The following SV2B variants were observed in gnomAD, a reference collection of about 807,000 sequenced individuals.
SV2B encodes the protein solute carrier family 22 member B2.
Under a neutral mutation model 73.9 loss-of-function variants are expected in SV2B, and 41 were observed. That is an observed-to-expected ratio of 0.56 (90% CI 0.43 to 0.72). SV2B has a LOEUF of 0.72. Ranked by LOEUF, SV2B falls within the 30% of genes least tolerant of loss-of-function variation. The probability of loss-of-function intolerance (pLI) is 0.00; values close to 1 mark genes in which losing one functional copy is unlikely to be tolerated. For missense variants in SV2B, 764 were observed against 857.8 expected (o/e 0.89, Z 1.37); for synonymous variants, 314 against 314.2 (o/e 1.00, Z 0.01).
Position 91,226,088 on chromosome 15 carries a change from G to C in SV2B, c.-176G>C. The C allele has an allele frequency of 1.6e-6, 1 of 637,376 alleles. No homozygotes were observed. Among genetic ancestry groups the C allele is most frequent in the Admixed American group, 3.1e-5 (1 of 31,978 alleles). The allele number at this position is 637,376 out of a possible 1,614,324, so 39.5% of individuals were successfully genotyped here. A position where few individuals can be genotyped will look rare whatever the true frequency, so the allele number is the denominator to read the frequency against. On this transcript the variant is annotated 5_prime_UTR_variant, in exon 2 of 13. Transcript: ENST00000394232. ...TTTAGGTTGTCTTTGCACAAATCTG[G>C]TTGATTTGAGAGATAAAGGGGGGGG...
intron 9 of SV2B, among the ~76,000 whole-genome samples, chr15:91,269,137 A>G (rs2048210924): frequency 6.6e-6 from 1 of 151,952 alleles, no homozygotes; most frequent in African/African-American, 2.4e-5. Context: ...GAGGATTAGA[A>G]AAGTCCTGTT....
chr15:91,142,803 T>A (rs561476960), intron 1 of SV2B, among the ~76,000 whole-genome samples: 1 of 152,376 alleles, frequency 6.6e-6, no homozygotes, highest in South Asian at 2.1e-4. Flanking sequence ...CTTATACTTC[T>A]ACCATAGAGG....
chr15:91,139,001 C>T lies in SV2B; in HGVS notation c.-392+38638C>T, dbSNP rs532796084. ...TTCAACAATTAAACCAGTGAAATTACGAGACGATTAGGGAAATGTGAACAC... is the reference window on the plus strand; with the variant it reads ...TTCAACAATTAAACCAGTGAAATTATGAGACGATTAGGGAAATGTGAACAC... On this transcript the variant is annotated intron_variant, in intron 1 of 12. Coordinates refer to ENST00000394232, the MANE Select transcript of SV2B (RefSeq NM_001323032.3). The surrounding 1 kb of genome is among the most constrained non-coding windows in gnomAD (Gnocchi z 5.2). Among the ~76,000 whole-genome samples the T allele has an allele frequency of 1.4e-4, 21 of 152,244 alleles. No individual in the cohort carries two copies. Among genetic ancestry groups the T allele is most frequent in the Non-Finnish European group, 2.6e-4 (18 of 68,020 alleles).
rs1206642380 is a variant in SV2B at position 91,293,736 on chromosome 15, A to G, written c.*1184A>G. 1 of 152,202 alleles carries G rather than the reference A, an allele frequency of 6.6e-6. No homozygotes were observed. The highest frequency in any genetic ancestry group is 1.5e-5 in the Non-Finnish European group (1 of 68,042). 9.4% of individuals were successfully genotyped at this position (152,202 alleles called of 1,614,324 possible). On this transcript the variant is annotated 3_prime_UTR_variant, in exon 13 of 13. Transcript: ENST00000394232. ...GTGGTAAAATGCAAATGCAATCCAT[A>G]TTTGTTAGGATGGTCAGGTCTCATG... is the stretch of plus-strand genomic sequence containing the variant.
chr15:91,187,806 G>A (rs576742643), intron 1 of SV2B, among the ~76,000 whole-genome samples: 1 of 152,168 alleles, frequency 6.6e-6, no homozygotes, highest in Admixed American at 6.5e-5. Flanking sequence ...CTTGGGATTT[G>A]TGGTTTTTCA....
At position 91,267,648 on chromosome 15, in the gene SV2B, G is replaced by A; in HGVS notation, c.1208+5G>A. 1 of 1,609,106 alleles carries A rather than the reference G, an allele frequency of 6.2e-7. No homozygotes were observed. Among genetic ancestry groups the A allele is most frequent in the Non-Finnish European group, 8.5e-7 (1 of 1,177,166 alleles). ...TTGGTTTGCCATGGCATTCAGGTAA[G>A]TTCTGTCTTACTTAAATTTCGTAAT... On this transcript the variant is annotated splice_donor_5th_base_variant and intron_variant, in intron 8 of 12. Coordinates refer to ENST00000394232, the MANE Select transcript of SV2B (RefSeq NM_001323032.3). This position sits in a 1 kb window ranked among gnomAD's most constrained non-coding sequence, Gnocchi z 4.3.
At position 91,131,159 on chromosome 15, in the gene SV2B, T is replaced by TG. The variant is rs969140178; in HGVS notation, c.-392+30796_-392+30797insG. Among the ~76,000 whole-genome samples the TG allele has an allele frequency of 6.0e-4, 90 of 149,278 alleles. 2 individuals are homozygous for TG. In the South Asian group the frequency reaches 0.014, roughly 24 times the overall value. ...AAGATGTTTTCTTGTTTTTTTTTTT[T>TG]TTTTTTTTTAAATAGAGACAAGGTC... On this transcript the variant is annotated intron_variant, in intron 1 of 12. Coordinates refer to ENST00000394232, the MANE Select transcript of SV2B (RefSeq NM_001323032.3).
At chr15:91,184,607 T>C (rs1228313425) in intron 1 of SV2B, among the ~76,000 whole-genome samples, 1 of 152,226 alleles carries the variant, frequency 6.6e-6, no homozygotes, top group Non-Finnish European at 1.5e-5. Flanking sequence ...TCTTTCTTCT[T>C]TAGCTTGTTT....
chr15:91,182,047 G>A (rs2044599140), intron 1 of SV2B, among the ~76,000 whole-genome samples: 1 of 152,058 alleles, frequency 6.6e-6, no homozygotes, highest in Non-Finnish European at 1.5e-5. Context: ...ACATTTCTAG[G>A]TGTAAGATTG....
chr15:91,165,446 T>C (rs2043879909), intron 1 of SV2B, among the ~76,000 whole-genome samples: 1 of 152,228 alleles, frequency 6.6e-6, no homozygotes, highest in Non-Finnish European at 1.5e-5. Flanking sequence ...ATAGCACTTA[T>C]ATTGTATTAG....
chr15:91,301,284 C>G lies in SV2B; in HGVS notation c.*8732C>G, dbSNP rs953096710. 6.6e-6 allele frequency: 1 copy of G among 152,190 alleles called. No individual in the cohort carries two copies. Among genetic ancestry groups the G allele is most frequent in the Non-Finnish European group, 1.5e-5 (1 of 68,034 alleles). The allele number at this position is 152,190 out of a possible 1,614,324, so 9.4% of individuals were successfully genotyped here. A position where few individuals can be genotyped will look rare whatever the true frequency, so the allele number is the denominator to read the frequency against. ...CAGCTTCTGAATTATTAAACTGATG[C>G]TATAAATGTGAACTGACAAAACCCA... On this transcript the variant is annotated 3_prime_UTR_variant, in exon 13 of 13. Transcript: ENST00000394232. The surrounding 1 kb of genome is among the most constrained non-coding windows in gnomAD (Gnocchi z 4.3).
At chr15:91,276,171 T>A (rs891352400) in intron 9 of SV2B, among the ~76,000 whole-genome samples, 2 of 151,938 alleles carry the variant, frequency 1.3e-5, no homozygotes, top group East Asian at 1.9e-4. Flanking sequence ...TATTTATTAA[T>A]TTTTTTGTAT....
Position 91,239,439 on chromosome 15 carries a change from TA to T in SV2B, c.452-12378del, listed in dbSNP as rs2141552803. Among the ~76,000 whole-genome samples, 1 of 152,162 alleles carries T rather than the reference TA, an allele frequency of 6.6e-6. No homozygotes were observed. Among genetic ancestry groups the T allele is most frequent in the African/African-American group, 2.4e-5 (1 of 41,514 alleles). ...TGAATTACAAAGTTATAGTACCATC[TA>T]ATATTAGAAATGAAAGAAAGGAAGG... On this transcript the variant is annotated intron_variant, in intron 2 of 12. Transcript: ENST00000394232. The surrounding 1 kb of genome is among the most constrained non-coding windows in gnomAD (Gnocchi z 5.1).
chr15:91,282,837 T>C (rs983877290), intron 10 of SV2B, among the ~76,000 whole-genome samples: 2 of 152,238 alleles, frequency 1.3e-5, no homozygotes, highest in Admixed American at 6.5e-5. Flanking sequence ...CTCTTAATAA[T>C]TCATTCTGGC....
chr15:91,256,476 G>A (rs1411142232), intron 4 of SV2B, among the ~76,000 whole-genome samples: 1 of 152,198 alleles, frequency 6.6e-6, no homozygotes, highest in East Asian at 1.9e-4. Flanking sequence ...ATCCATCTGA[G>A]TTTGACTGCT....
intron 1 of SV2B, among the ~76,000 whole-genome samples, chr15:91,155,341 G>A (rs772622534): frequency 3.3e-5 from 5 of 152,178 alleles, no homozygotes; most frequent in East Asian, 1.9e-4. Flanking sequence ...GTAGATGGAC[G>A]TGGTACTGAC....
At position 91,106,985 on chromosome 15, in the gene SV2B, G is replaced by A. The variant is rs934092935; in HGVS notation, c.-392+6622G>A. On this transcript the variant is annotated intron_variant, in intron 1 of 12. Transcript: ENST00000394232. This position sits in a 1 kb window ranked among gnomAD's most constrained non-coding sequence, Gnocchi z 4.4. ...TGGGTGCTGTCCATTTTCTTCTCGTGGTGTGTCTGATTCTATATAAGTTTT... is the reference window on the plus strand; with the variant it reads ...TGGGTGCTGTCCATTTTCTTCTCGTAGTGTGTCTGATTCTATATAAGTTTT... Among the ~76,000 whole-genome samples the A allele has an allele frequency of 1.3e-5, 2 of 152,158 alleles. No homozygotes were observed. Among genetic ancestry groups the A allele is most frequent in the African/African-American group, 4.8e-5 (2 of 41,416 alleles).
chr15:91,208,175 C>T (rs1358809840), intron 1 of SV2B, among the ~76,000 whole-genome samples: 9 of 152,184 alleles, frequency 5.9e-5, no homozygotes, highest in Non-Finnish European at 1.2e-4. Context: ...GGAGCTTTCA[C>T]GATGTAGTAG....
In SV2B at chr15:91,280,700, C is replaced by T. The variant is rs1024585257; in HGVS notation, c.1374-1028C>T. Among the ~76,000 whole-genome samples the T allele has an allele frequency of 7.9e-5, 12 of 152,146 alleles. No homozygotes were observed. Among genetic ancestry groups the T allele is most frequent in the African/African-American group, 2.9e-4 (12 of 41,414 alleles). On this transcript the variant is annotated intron_variant, in intron 9 of 12. Coordinates refer to ENST00000394232, the MANE Select transcript of SV2B (RefSeq NM_001323032.3). The surrounding 1 kb of genome is among the most constrained non-coding windows in gnomAD (Gnocchi z 5.8). ...GTGCAGTGACTCCCACATGTGGCTG[C>T]GCCTCAGAATCGTCTAGGTGCCTTA...
Sources: allele counts gnomAD v4.1 joint callset (sites outside exome capture counted in the v4.1 genomes callset), GRCh38; gene constraint gnomAD v4.1.1; non-coding constraint Gnocchi (gnomAD v3.1); transcripts MANE v1.5; gene names NCBI Gene and HGNC (gene_info 2026-07-23, HGNC 2026-07-21).